LMNTD1: variants seen among roughly 807,000 people sequenced by gnomAD.
LMNTD1 encodes the protein lamin tail domain-containing protein 1.
A neutral mutation model predicts 50.9 loss-of-function variants in LMNTD1; 35 were observed. That is an observed-to-expected ratio of 0.69 (90% CI 0.53 to 0.91). The LOEUF is 0.91. Ranked by LOEUF, LMNTD1 falls within the 40% of genes least tolerant of loss-of-function variation. The pLI is 0.00. For missense variants in LMNTD1, 470 were observed against 475.5 expected, an observed-to-expected ratio of 0.99 and a Z score of 0.11; for synonymous variants, 153 against 161.9, an observed-to-expected ratio of 0.94 and a Z score of 0.42.
chr12:25,640,575 T>A (rs560585880), intron 1 of LMNTD1, among the ~76,000 whole-genome samples: 1 of 152,300 alleles, frequency 6.6e-6, no homozygotes, highest in East Asian at 1.9e-4. Context: ...GAATCATTAA[T>A]TACATTAAAT....
chr12:25,519,481 A>T (rs1941093815), intron 7 of LMNTD1, among the ~76,000 whole-genome samples: 1 of 151,094 alleles, frequency 6.6e-6, no homozygotes, highest in African/African-American at 2.4e-5. Flanking sequence ...CCAGCTACTC[A>T]TGAGGCTAAG....
At chr12:25,605,384 T>A (rs1168781919) in intron 1 of LMNTD1, among the ~76,000 whole-genome samples, 1 of 152,194 alleles carries the variant, frequency 6.6e-6, no homozygotes, top group Non-Finnish European at 1.5e-5. Context: ...TTGTTGCCAT[T>A]GCTTTCGGTG....
chr12:25,541,412 C>G (rs1375534010), intron 4 of LMNTD1, among the ~76,000 whole-genome samples: 10 of 145,884 alleles, frequency 6.9e-5, no homozygotes, highest in Non-Finnish European at 1.5e-4. Context: ...TCAGAAATAA[C>G]GCCACATATC....
At chr12:25,626,873 C>T (rs1351704747) in intron 1 of LMNTD1, among the ~76,000 whole-genome samples, 1 of 152,110 alleles carries the variant, frequency 6.6e-6, no homozygotes, top group Admixed American at 6.5e-5. Flanking sequence ...TAATGTTTTT[C>T]CTTGATCAAA....
At chr12:25,564,974 A>G (rs570819277) in intron 1 of LMNTD1, among the ~76,000 whole-genome samples, 1 of 152,294 alleles carries the variant, frequency 6.6e-6, no homozygotes, top group East Asian at 1.9e-4. Flanking sequence ...TTATCATTAT[A>G]TAGTGACCTT....
chr12:25,565,500 A>T (rs912998881), intron 1 of LMNTD1, among the ~76,000 whole-genome samples: 4 of 152,028 alleles, frequency 2.6e-5, no homozygotes, highest in Non-Finnish European at 5.9e-5. Flanking sequence ...TTTGTCCCCA[A>T]CTTTTTCACA....
At chr12:25,604,075 C>T (rs1023339965) in intron 1 of LMNTD1, among the ~76,000 whole-genome samples, 6 of 152,094 alleles carry the variant, frequency 3.9e-5, no homozygotes, top group Non-Finnish European at 8.8e-5. Context: ...AACCCTATCA[C>T]ATTCCCACAA....
At chr12:25,569,188 AC>A (rs1196283403) in intron 1 of LMNTD1, among the ~76,000 whole-genome samples, 1 of 151,824 alleles carries the variant, frequency 6.6e-6, no homozygotes, top group African/African-American at 2.4e-5. Flanking sequence ...TTAGGAGTCC[AC>A]CCATTATACA....
chr12:25,543,190 C>T (rs929382767), intron 4 of LMNTD1, among the ~76,000 whole-genome samples: 2 of 151,614 alleles, frequency 1.3e-5, no homozygotes, highest in Admixed American at 1.3e-4. Flanking sequence ...TTCTATAAGA[C>T]ATTTATGAAA....
Position 25,588,872 on chromosome 12 carries a change from T to TA in LMNTD1, c.59-42319dup, listed in dbSNP as rs35656134. On this transcript the variant is annotated intron_variant, in intron 1 of 7. Coordinates refer to the LMNTD1 transcript ENST00000445693. ...AAATCAGAACTCAATGTTCATTAAA[T>TA]ATAAGAAATATGCTCAACATTATTA... 8.6e-3 allele frequency among the ~76,000 whole-genome samples: 1,308 copies of TA among 152,250 alleles called. 23 individuals are homozygous for TA. Among genetic ancestry groups the TA allele is most frequent in the East Asian group, 0.064 (331 of 5,190 alleles).
At chr12:25,572,561 G>A (rs572981376) in intron 1 of LMNTD1, among the ~76,000 whole-genome samples, 2 of 152,150 alleles carry the variant, frequency 1.3e-5, no homozygotes, top group African/African-American at 2.4e-5. Flanking sequence ...TCACAACATT[G>A]AAACCTGCAG....
intron 4 of LMNTD1, among the ~76,000 whole-genome samples, chr12:25,533,387 G>A (rs1942354216): frequency 6.6e-6 from 1 of 152,280 alleles, no homozygotes; most frequent in Admixed American, 6.5e-5. Context: ...AAGAGATTGA[G>A]GAGAAACATG....
intron 1 of LMNTD1, among the ~76,000 whole-genome samples, chr12:25,628,301 GATTTT>G (rs139791965): frequency 0.14 from 20,564 of 151,702 alleles, 2,346 homozygotes; most frequent in African/African-American, 0.31. Context: ...AAATAATATG[GATTTT>G]ATTTATTTTT....
chr12:25,489,792 G>A (rs1020486496), intron 9 of LMNTD1, among the ~76,000 whole-genome samples: 3 of 152,168 alleles, frequency 2.0e-5, no homozygotes, highest in African/African-American at 7.2e-5. Context: ...AGGATATAAG[G>A]ATTGTATGTA....
chr12:25,597,431 A>G (rs1303619401), intron 1 of LMNTD1, among the ~76,000 whole-genome samples: 1 of 152,154 alleles, frequency 6.6e-6, no homozygotes, highest in Non-Finnish European at 1.5e-5. Flanking sequence ...ATAATGATAA[A>G]GCTGTCAATT....
At chr12:25,560,317 T>G (rs1163181107) in intron 1 of LMNTD1, among the ~76,000 whole-genome samples, 1 of 152,304 alleles carries the variant, frequency 6.6e-6, no homozygotes, top group South Asian at 2.1e-4. Flanking sequence ...CCCCATTGCT[T>G]GTTTGTGTCA....
At chr12:25,628,954 C>A (rs1946654849) in intron 1 of LMNTD1, among the ~76,000 whole-genome samples, 1 of 152,156 alleles carries the variant, frequency 6.6e-6, no homozygotes, top group Non-Finnish European at 1.5e-5. Context: ...TAAGGAGAAG[C>A]ACTTCCCAAA....
At chr12:25,578,690 C>A (rs1945142039) in intron 1 of LMNTD1, among the ~76,000 whole-genome samples, 1 of 152,272 alleles carries the variant, frequency 6.6e-6, no homozygotes, top group Middle Eastern at 3.4e-3. Context: ...TTTTTATGTG[C>A]AGCCTGTTAC....
intron 1 of LMNTD1, among the ~76,000 whole-genome samples, chr12:25,590,093 A>G (rs1945650414): frequency 6.8e-6 from 1 of 148,002 alleles, no homozygotes; most frequent in Non-Finnish European, 1.5e-5. Flanking sequence ...AAGAACCAAA[A>G]ATCAGCTGAG....
Sources: gnomAD v4.1 joint callset for allele counts (sites outside exome capture counted in the v4.1 genomes callset) on GRCh38, gnomAD v4.1.1 for gene constraint, MANE v1.5 for transcripts, NCBI Gene and HGNC (gene_info 2026-07-23, HGNC 2026-07-21) for gene names.